The following ICE2 variants were observed in gnomAD, a reference collection of about 807,000 sequenced individuals.
ICE2 encodes the protein interactor of little elongation complex ELL subunit 2, also known as little elongation complex subunit 2.
Under a neutral mutation model 105.4 loss-of-function variants are expected in ICE2, and 87 were observed. The ratio of observed to expected loss-of-function variants is 0.83; its 90% CI spans 0.69 to 0.99. The LOEUF is 0.99. Among genes scored for constraint, ICE2 ranks in the 50% least tolerant of loss-of-function variants. The pLI, the probability that ICE2 is intolerant of heterozygous loss-of-function variation, is 0.00. For missense variants in ICE2, 1,323 were observed against 1,146.7 expected, an observed-to-expected ratio of 1.15 and a Z score of -2.22; for synonymous variants, 399 against 392.0, an observed-to-expected ratio of 1.02 and a Z score of -0.21.
intron 12 of ICE2, chr15:60,440,089 T>G (rs1335278017): frequency 6.6e-6 from 1 of 152,242 alleles, no homozygotes; most frequent in Non-Finnish European, 1.5e-5. Context: ...AACTGCACAC[T>G]CTGCTTTCTG....
At chr15:60,459,643 G>A (rs1384465873) in intron 5 of ICE2, among the ~76,000 whole-genome samples, 2 of 152,116 alleles carry the variant, frequency 1.3e-5, no homozygotes, top group Non-Finnish European at 2.9e-5. Context: ...AAACAATAAT[G>A]TGGGTAAGTT....
chr15:60,446,038 T>C (rs111459602), intron 11 of ICE2, among the ~76,000 whole-genome samples: 1 of 152,212 alleles, frequency 6.6e-6, no homozygotes, highest in African/African-American at 2.4e-5. Context: ...CAGGATGTTA[T>C]AGCATTTATC....
chr15:60,435,386 G>A (rs2063561430), intron 13 of ICE2, among the ~76,000 whole-genome samples: 2 of 152,108 alleles, frequency 1.3e-5, no homozygotes, highest in South Asian at 4.2e-4. Context: ...GATCACCCGA[G>A]GTCGGGAGTT....
At chr15:60,435,621 A>G (rs1389806861) in intron 13 of ICE2, among the ~76,000 whole-genome samples, 2 of 147,970 alleles carry the variant, frequency 1.4e-5, no homozygotes, top group Non-Finnish European at 3.0e-5. Flanking sequence ...AAAAAATCAC[A>G]TGTACCCCAA....
Position 60,428,686 on chromosome 15 carries a change from A to T in ICE2, c.2563T>A (p.Leu855Met), listed in dbSNP as rs1357924016. ...GATAACAAGTAGGAACCCTCCTGCA[A>T]GCTAAATTCACACAATGAAACTCAA... ...LQHILKKLSSLQEGSYLLSHA... is the reference protein window; with the variant it reads ...LQHILKKLSSMQEGSYLLSHA... Residue 855 changes from leucine (L) to methionine (M), a missense_variant and splice_region_variant, in exon 15 of 16, where the codon TTG becomes ATG. Transcript: ENST00000261520. 1 of 1,612,628 alleles carries T rather than the reference A, an allele frequency of 6.2e-7. No individual in the cohort carries two copies. Among genetic ancestry groups the T allele is most frequent in the Non-Finnish European group, 8.5e-7 (1 of 1,178,798 alleles).
chr15:60,423,829 T>C, intron 15 of ICE2, 67 bp from the exon 16 acceptor site: 1 of 1,351,746 alleles, frequency 7.4e-7, no homozygotes, highest in South Asian at 1.9e-5. Context: ...CAGTCAACTC[T>C]GTAGTATTTA....
At chr15:60,470,465 A>T (rs1253011155) in intron 3 of ICE2, among the ~76,000 whole-genome samples, 2 of 152,176 alleles carry the variant, frequency 1.3e-5, no homozygotes, top group African/African-American at 4.8e-5. Flanking sequence ...GGGGGGAATT[A>T]AAGGCATTCA....
In ICE2 at chr15:60,449,149, T is replaced by C; in HGVS notation, c.1818A>G (p.Pro606=). 1 of 1,614,126 alleles carries C rather than the reference T, an allele frequency of 6.2e-7. No individual in the cohort carries two copies. Among genetic ancestry groups the C allele is most frequent in the African/African-American group, 1.3e-5 (1 of 75,068 alleles). The change falls in exon 10 of 16, where the codon CCA becomes CCG. Residue 606 remains proline (P), a synonymous_variant. Coordinates refer to ENST00000261520, the MANE Select transcript of ICE2 (RefSeq NM_024611.6). The part of the protein sequence containing the change: ...GSNLSSRPAS[P]NSSSGQASVG... Reference sequence around the variant, plus strand: ...CAGAAGCCTGTCCTGAGGAAGAATTTGGACTAGCTGGTCTGGAACTTAAGT... The same window carrying C: ...CAGAAGCCTGTCCTGAGGAAGAATTCGGACTAGCTGGTCTGGAACTTAAGT...
chr15:60,478,407 A>T (rs2064830840), intron 1 of ICE2, among the ~76,000 whole-genome samples: 1 of 152,194 alleles, frequency 6.6e-6, no homozygotes, highest in Admixed American at 6.5e-5. Flanking sequence ...GCCAAAATAA[A>T]TCTTTTGTTT....
Position 60,454,571 on chromosome 15 carries a change from A to G in ICE2, c.943+432T>C, listed in dbSNP as rs552122171. ...TGCTGAGCCTAAAGTAGCTTTACAC[A>G]TAAAAAAGTTTCACTGAATGTGTCA... On this transcript the variant is annotated intron_variant, in intron 8 of 15. Coordinates refer to ENST00000261520, the MANE Select transcript of ICE2 (RefSeq NM_024611.6). The G allele has an allele frequency of 2.9e-4, 44 of 153,854 alleles. No homozygotes were observed. The South Asian group carries it at 6.4e-3, about 22-fold the overall frequency. 9.5% of individuals were successfully genotyped at this position (153,854 alleles called of 1,614,324 possible).
intron 11 of ICE2, among the ~76,000 whole-genome samples, chr15:60,444,105 TAA>T (rs1020980962): frequency 6.6e-5 from 10 of 151,952 alleles, no homozygotes; most frequent in Middle Eastern, 3.4e-3. Flanking sequence ...TTGTCTCTTT[TAA>T]AAAAAGAATG....
At chr15:60,454,498 C>T (rs2064047508) in intron 8 of ICE2, among the ~76,000 whole-genome samples, 1 of 151,984 alleles carries the variant, frequency 6.6e-6, no homozygotes. Flanking sequence ...AACTCTCACC[C>T]TTAAACATGA....
At chr15:60,457,184 T>C (rs2064150422) in intron 5 of ICE2, among the ~76,000 whole-genome samples, 1 of 152,146 alleles carries the variant, frequency 6.6e-6, no homozygotes, top group African/African-American at 2.4e-5. Flanking sequence ...GAAGTAGTTA[T>C]CTTACAGGTC....
Position 60,456,697 on chromosome 15 carries a change from ACT to A in ICE2, c.624_625del (p.Arg208SerfsTer42), listed in dbSNP as rs1428704431. On this transcript the variant is annotated frameshift_variant, in exon 6 of 16. Transcript: ENST00000261520. LOFTEE classifies it high-confidence loss of function. ...TTTTTCTAACTTTAATCCCATCTCTACTCTGAATGGGAAGAATCCCATTAAGC... is the reference window on the plus strand; with the variant it reads ...TTTTTCTAACTTTAATCCCATCTCTACTGAATGGGAAGAATCCCATTAAGC... 6.3e-7 allele frequency: 1 copy of A among 1,598,252 alleles called. No homozygotes were observed. Among genetic ancestry groups the A allele is most frequent in the Admixed American group, 1.8e-5 (1 of 56,936 alleles).
At chr15:60,464,860 T>C (rs1479454245) in intron 5 of ICE2, among the ~76,000 whole-genome samples, 1 of 152,144 alleles carries the variant, frequency 6.6e-6, no homozygotes, top group Admixed American at 6.5e-5. Flanking sequence ...TAAAAAAAGT[T>C]AGCTGCAGTG....
At chr15:60,478,169 G>C (rs1322620348) in intron 1 of ICE2, 100 bp from the exon 2 acceptor site, 5 of 602,612 alleles carry the variant, frequency 8.3e-6, no homozygotes, top group Non-Finnish European at 1.5e-5. Flanking sequence ...ACCCTCAACA[G>C]ACTGTGGCAC....
Position 60,442,549 on chromosome 15 carries a change from C to A in ICE2, c.2296-4G>T, listed in dbSNP as rs758223657. ...GTAGTACATAAACTGGAAATTGCTG[C>A]AATGCAAAATTATACTTTTTCAAAG... On this transcript the variant is annotated splice_region_variant and splice_polypyrimidine_tract_variant and intron_variant, in intron 11 of 15. Coordinates refer to ENST00000261520, the MANE Select transcript of ICE2 (RefSeq NM_024611.6). The A allele has an allele frequency of 6.4e-7, 1 of 1,560,018 alleles. No homozygotes were observed. The highest frequency in any genetic ancestry group is 2.3e-5 in the East Asian group (1 of 42,780).
At chr15:60,453,471 G>C in intron 9 of ICE2, 132 bp downstream of exon 9, 1 of 1,430,058 alleles carries the variant, frequency 7.0e-7, no homozygotes, top group Non-Finnish European at 9.2e-7. Context: ...AGCTAGACTC[G>C]AAATTCAATT....
intron 15 of ICE2, among the ~76,000 whole-genome samples, chr15:60,424,416 G>C (rs1383608013): frequency 9.6e-4 from 1 of 1,046 alleles, no homozygotes; most frequent in East Asian, 0.056. Context: ...GGGGAATACA[G>C]AGGATGGGGG....
Sources: gnomAD v4.1 joint callset for allele counts (sites outside exome capture counted in the v4.1 genomes callset) on GRCh38, gnomAD v4.1.1 for gene constraint, MANE v1.5 for transcripts, NCBI Gene and HGNC (gene_info 2026-07-23, HGNC 2026-07-21) for gene names.